Variants in SNTG1 observed in about 807,000 individuals in gnomAD.
SNTG1 encodes the protein gamma-1-syntrophin.
A neutral mutation model predicts 74.7 loss-of-function variants in SNTG1; 39 were observed. The observed-to-expected ratio is 0.52, with a 90% CI of 0.40 to 0.68. The LOEUF (loss-of-function observed/expected upper bound fraction) is 0.68. Among genes scored for constraint, SNTG1 ranks in the 30% least tolerant of loss-of-function variants. The pLI, the probability that SNTG1 is intolerant of heterozygous loss-of-function variation, is 0.00. For synonymous variants in SNTG1, 254 were observed against 217.1 expected (o/e 1.17, Z -1.49); for missense variants, 685 against 609.5 (o/e 1.12, Z -1.30).
intron 1 of SNTG1, among the ~76,000 whole-genome samples, chr8:50,032,513 C>T (rs914552407): frequency 1.3e-5 from 2 of 152,018 alleles, no homozygotes; most frequent in Non-Finnish European, 2.9e-5. Context: ...CTAGAAAGTG[C>T]AAATTTCTCT....
At chr8:50,634,300 G>A (rs149026927) in intron 13 of SNTG1, among the ~76,000 whole-genome samples, 1 of 152,298 alleles carries the variant, frequency 6.6e-6, no homozygotes, top group Non-Finnish European at 1.5e-5. Context: ...TTTTCTGTGG[G>A]GCGGCTAACT....
intron 1 of SNTG1, among the ~76,000 whole-genome samples, chr8:50,064,955 T>A (rs557071283): frequency 1.3e-5 from 2 of 152,176 alleles, no homozygotes; most frequent in Admixed American, 6.5e-5. Context: ...CACTGGCATG[T>A]TAAAATATGG....
At chr8:50,221,465 T>C (rs940450418) in intron 2 of SNTG1, among the ~76,000 whole-genome samples, 1 of 150,426 alleles carries the variant, frequency 6.6e-6, no homozygotes, top group African/African-American at 2.5e-5. Flanking sequence ...AAAATAGAGA[T>C]GATAATGCAA....
chr8:50,389,331 T>C (rs2092621989), intron 2 of SNTG1, among the ~76,000 whole-genome samples: 1 of 152,172 alleles, frequency 6.6e-6, no homozygotes, highest in South Asian at 2.1e-4. Flanking sequence ...TGATTGGTTA[T>C]TGGAAACTAT....
At chr8:50,416,068 GTTAA>G (rs2093009894) in intron 4 of SNTG1, among the ~76,000 whole-genome samples, 1 of 152,106 alleles carries the variant, frequency 6.6e-6, no homozygotes, top group East Asian at 1.9e-4. Context: ...TTATCTTCAT[GTTAA>G]TTATTTTAGA....
chr8:50,694,607 C>G (rs548428616), intron 15 of SNTG1, among the ~76,000 whole-genome samples: 1 of 151,946 alleles, frequency 6.6e-6, no homozygotes. Flanking sequence ...ACCCTGATAC[C>G]AAAGGCAAAG....
intron 8 of SNTG1, among the ~76,000 whole-genome samples, chr8:50,454,310 C>T (rs1022620830): frequency 1.3e-5 from 2 of 151,338 alleles, no homozygotes; most frequent in African/African-American, 4.9e-5. Flanking sequence ...GCCTGACCAA[C>T]ATGGTGAAAT....
intron 9 of SNTG1, among the ~76,000 whole-genome samples, chr8:50,504,076 G>A (rs2093986417): frequency 6.6e-6 from 1 of 152,130 alleles, no homozygotes; most frequent in Admixed American, 6.5e-5. Flanking sequence ...TCACTTGTAA[G>A]TGAGAATGTG....
chr8:50,552,665 G>A (rs1451444614), intron 11 of SNTG1, among the ~76,000 whole-genome samples: 7 of 152,146 alleles, frequency 4.6e-5, no homozygotes, highest in Non-Finnish European at 7.4e-5. Flanking sequence ...GTCAGAAAAT[G>A]CATTGACAAA....
At chr8:50,601,450 T>C (rs1363867635) in intron 13 of SNTG1, among the ~76,000 whole-genome samples, 1 of 152,132 alleles carries the variant, frequency 6.6e-6, no homozygotes, top group Non-Finnish European at 1.5e-5. Flanking sequence ...CTCTTGTTAT[T>C]TATTTCTAAT....
intron 15 of SNTG1, among the ~76,000 whole-genome samples, chr8:50,684,827 G>A (rs1013975885): frequency 2.7e-5 from 4 of 149,046 alleles, no homozygotes; most frequent in African/African-American, 5.0e-5. Context: ...ATGCTGGTGC[G>A]CTGCACCCAC....
intron 2 of SNTG1, among the ~76,000 whole-genome samples, chr8:50,227,491 C>G (rs2085388962): frequency 6.6e-6 from 1 of 152,082 alleles, no homozygotes; most frequent in Non-Finnish European, 1.5e-5. Flanking sequence ...CTCTAGTTCC[C>G]TTTAGCTTTC....
chr8:50,532,479 G>A (rs978105594), intron 10 of SNTG1, among the ~76,000 whole-genome samples: 9 of 152,212 alleles, frequency 5.9e-5, no homozygotes, highest in African/African-American at 2.2e-4. Context: ...TAGTAACAGA[G>A]ATAAAGAGTT....
intron 2 of SNTG1, among the ~76,000 whole-genome samples, chr8:50,218,833 A>G (rs1356062098): frequency 6.6e-6 from 1 of 152,228 alleles, no homozygotes; most frequent in Non-Finnish European, 1.5e-5. Flanking sequence ...TGAGTTGACA[A>G]CAAAGTAAGA....
intron 17 of SNTG1, among the ~76,000 whole-genome samples, chr8:50,739,235 C>T (rs1202269667): frequency 6.6e-6 from 1 of 151,822 alleles, no homozygotes; most frequent in South Asian, 2.1e-4. Context: ...CAAACAACCC[C>T]ATCAAAAAGT....
chr8:50,584,099 A>G (rs958823967), intron 12 of SNTG1, among the ~76,000 whole-genome samples: 6 of 152,152 alleles, frequency 3.9e-5, no homozygotes, highest in African/African-American at 1.4e-4. Context: ...AAAGGACATG[A>G]ACTCATCCTT....
chr8:50,646,702 T>A (rs182840063), intron 13 of SNTG1, among the ~76,000 whole-genome samples: 2,733 of 152,272 alleles, frequency 0.018, 32 homozygotes, highest in South Asian at 0.043. Flanking sequence ...GATGTAGATA[T>A]ATATTAAAAA....
intron 1 of SNTG1, among the ~76,000 whole-genome samples, chr8:50,097,939 T>C (rs1328937033): frequency 6.6e-6 from 1 of 152,210 alleles, no homozygotes; most frequent in Non-Finnish European, 1.5e-5. Context: ...TTAGTTTACA[T>C]ATGTCTTTTT....
At chr8:50,364,287 C>T (rs2092045507) in intron 2 of SNTG1, among the ~76,000 whole-genome samples, 1 of 152,148 alleles carries the variant, frequency 6.6e-6, no homozygotes, top group African/African-American at 2.4e-5. Context: ...GGTTGAAAGG[C>T]ACTTGTCATG....
Sources: allele counts gnomAD v4.1 joint callset (sites outside exome capture counted in the v4.1 genomes callset), GRCh38; gene constraint gnomAD v4.1.1; transcripts MANE v1.5; gene names NCBI Gene and HGNC (gene_info 2026-07-23, HGNC 2026-07-21).